MYCBP2: variants seen among roughly 807,000 people sequenced by gnomAD.
MYCBP2 encodes the protein MYC binding protein 2, also known as E3 ubiquitin-protein ligase MYCBP2.
Under a neutral mutation model 525.3 loss-of-function variants are expected in MYCBP2, and 120 were observed. The observed-to-expected ratio is 0.23, with a 90% CI of 0.20 to 0.27. The LOEUF (loss-of-function observed/expected upper bound fraction) is 0.27. MYCBP2 is among the 10% of genes least tolerant of loss of function. MYCBP2 has a pLI of 1.00. For synonymous variants in MYCBP2, 1,894 were observed against 1,955.8 expected (o/e 0.97, Z 0.83); for missense variants, 4,149 against 5,657.1 (o/e 0.73, Z 8.55).
intron 15 of MYCBP2, among the ~76,000 whole-genome samples, chr13:77,248,081 T>C (rs947016756): frequency 6.6e-6 from 1 of 151,098 alleles, no homozygotes; most frequent in Non-Finnish European, 1.5e-5. Context: ...ACATGGCACA[T>C]GTATACATAT....
intron 27 of MYCBP2, 72 bp downstream of exon 27, chr13:77,194,081 T>A (rs2061531612): frequency 1.1e-6 from 1 of 940,096 alleles, no homozygotes; most frequent in South Asian, 1.8e-5. Context: ...TTAAAGTATG[T>A]TTATTCATTT....
intron 43 of MYCBP2, among the ~76,000 whole-genome samples, chr13:77,162,904 C>T (rs1038418746): frequency 6.6e-6 from 1 of 152,148 alleles, no homozygotes; most frequent in African/African-American, 2.4e-5. Context: ...ATCCACCCAC[C>T]TTGGCCTCAC....
rs2045178630 is a variant in MYCBP2, at chr13:77,090,323, A to G, written c.10368-60T>C. 3.6e-6 allele frequency: 5 copies of G among 1,397,310 alleles called. No homozygotes were observed. In the Admixed American group the frequency reaches 1.2e-4, roughly 33 times the overall value. 86.6% of individuals were successfully genotyped at this position (1,397,310 alleles called of 1,614,324 possible). On this transcript the variant is annotated intron_variant, in intron 59 of 82. Coordinates refer to ENST00000544440, the MANE Select transcript of MYCBP2 (RefSeq NM_015057.5). ...GAAGAGCTGAATGAAATGTAACTAT[A>G]CTTATAATGATGCAAAATATGTGAC...
chr13:77,081,206 T>C lies in MYCBP2; in HGVS notation c.11418+221A>G, dbSNP rs1292390181. On this transcript the variant is annotated intron_variant, in intron 65 of 82. Transcript: ENST00000544440. The surrounding 1 kb of genome is among the most constrained non-coding windows in gnomAD (Gnocchi z 4.6). Reference sequence around the variant, plus strand: ...TCATTTTGCTTAGCTGTAGCCATGGTATATTTGTAATCAGACCTCTTTTCA... The same window carrying C: ...TCATTTTGCTTAGCTGTAGCCATGGCATATTTGTAATCAGACCTCTTTTCA... 3 of 512,744 alleles carry C rather than the reference T, an allele frequency of 5.9e-6. No individual in the cohort carries two copies. Among genetic ancestry groups the C allele is most frequent in the African/African-American group, 3.9e-5 (2 of 51,880 alleles). 31.8% of individuals were successfully genotyped at this position (512,744 alleles called of 1,614,324 possible). A position where few individuals can be genotyped will look rare whatever the true frequency, so the allele number is the denominator to read the frequency against.
chr13:77,323,304 G>T (rs1408133611), intron 1 of MYCBP2, among the ~76,000 whole-genome samples: 2 of 152,198 alleles, frequency 1.3e-5, no homozygotes, highest in Non-Finnish European at 2.9e-5. Context: ...CATTAGGTTT[G>T]AAACTCTCAA....
intron 2 of MYCBP2, among the ~76,000 whole-genome samples, chr13:77,295,108 A>G (rs1045232036): frequency 2.0e-5 from 3 of 152,084 alleles, no homozygotes; most frequent in Non-Finnish European, 2.9e-5. Flanking sequence ...CAGAAGCAAG[A>G]GCTGAAAATA....
In MYCBP2 at chr13:77,217,923, G is replaced by A. The variant is rs1193373567; in HGVS notation, c.2974C>T (p.Pro992Ser). 2.5e-6 allele frequency: 4 copies of A among 1,610,296 alleles called. No homozygotes were observed. In the South Asian group the frequency reaches 4.4e-5, roughly 18 times the overall value. Reference protein sequence around the residue: ...CPTLVQALPGPSTQVTAGSNH... With the variant: ...CPTLVQALPGSSTQVTAGSNH... ...CTGCCTGCAGTGACTTGTGTGCTAG[G>A]GCCTGGCAATGCTTGAACAAGAGTG... Residue 992 changes from proline to serine, a missense_variant, in exon 21 of 83, where the codon CCT becomes TCT. By Grantham distance (74) the Pro-to-Ser change is moderately conservative. Transcript: ENST00000544440.
chr13:77,326,692 G>C lies in MYCBP2; in HGVS notation c.84C>G (p.Phe28Leu). 1.4e-6 allele frequency: 2 copies of C among 1,445,548 alleles called. No homozygotes were observed. The highest frequency in any genetic ancestry group is 1.8e-6 in the Non-Finnish European group (2 of 1,107,648). 89.5% of individuals were successfully genotyped at this position (1,445,548 alleles called of 1,614,324 possible). The change falls in exon 1 of 83, where the codon TTC (phenylalanine) becomes TTG (leucine). Residue 28 changes from phenylalanine (F) to leucine (L), a missense_variant. By Grantham distance (22) the Phe-to-Leu change is conservative. Around this residue, in one of 21 missense-constraint regions of MYCBP2, gnomAD observed 413 missense variants for 451.2 expected, o/e 0.92. Transcript: ENST00000544440. This position sits in a 1 kb window ranked among gnomAD's most constrained non-coding sequence, Gnocchi z 4.2. ...GCGCCCCCGGCGCCGGGGAGGAAGA[G>C]AAGGTGGCGGCTGGGTAGAATCCGT... ...GGDGFYPAAT[F>L]SSSPAPGALF...
chr13:77,068,534 G>A, intron 70 of MYCBP2, 31 bp downstream of exon 70: 2 of 1,594,330 alleles, frequency 1.3e-6, no homozygotes, highest in Non-Finnish European at 1.7e-6. Flanking sequence ...AGTAACAAAA[G>A]CAATGGAAAG....
intron 14 of MYCBP2, among the ~76,000 whole-genome samples, chr13:77,256,150 A>G (rs1052993175): frequency 1.6e-4 from 25 of 152,084 alleles, no homozygotes; most frequent in African/African-American, 5.8e-4. Context: ...TTTTCTTGGT[A>G]AAGTGTCAGA....
rs138220917 is a variant in MYCBP2 at position 77,097,482 on chromosome 13, A to C, written c.9672T>G (p.Phe3224Leu). The C allele has an allele frequency of 4.3e-6, 7 of 1,613,236 alleles. No homozygotes were observed. Among genetic ancestry groups the C allele is most frequent in the African/African-American group, 2.7e-5 (2 of 74,886 alleles). ...CTACTGCCAGCTGGGCCATCTCTCC[A>C]AACAAATTACCCCTGGGCCTAACTT... Reference protein sequence around the residue: ...KAEVRPRGNLFGEMAQLAVGG... With the variant: ...KAEVRPRGNLLGEMAQLAVGG... Residue 3224 changes from phenylalanine to leucine, a missense_variant, in exon 56 of 83, where the codon TTT becomes TTG. Around this residue, in one of 21 missense-constraint regions of MYCBP2, gnomAD observed 653 missense variants for 744.7 expected, o/e 0.88. Coordinates refer to ENST00000544440, the MANE Select transcript of MYCBP2 (RefSeq NM_015057.5).
chr13:77,231,731 C>T (rs952378637), intron 18 of MYCBP2, among the ~76,000 whole-genome samples: 2 of 152,106 alleles, frequency 1.3e-5, no homozygotes. Context: ...AATATTTAAC[C>T]TCAGTTAAAC....
chr13:77,323,680 G>A (rs55988260), intron 1 of MYCBP2, among the ~76,000 whole-genome samples: 4 of 152,322 alleles, frequency 2.6e-5, no homozygotes, highest in Non-Finnish European at 5.9e-5. Context: ...CTTGCTCACC[G>A]CTACATCTTC....
Position 77,076,832 on chromosome 13 carries a change from G to A in MYCBP2, c.11742C>T (p.Ile3914=), listed in dbSNP as rs764298656. Residue 3914 remains isoleucine (I), a synonymous_variant, in exon 68 of 83, where the codon ATC becomes ATT. Transcript: ENST00000544440. ...CTGGTGTAGGTTCAGCATCTCCAGA[G>A]ATGAGCTTTCCAAATACCTGATGAA... ...LITSQVFGKL[I]SGDAEPTPEQ... is the part of the protein sequence containing the mutation. The A allele has an allele frequency of 1.2e-6, 2 of 1,612,390 alleles. No individual in the cohort carries two copies. Among genetic ancestry groups the A allele is most frequent in the Admixed American group, 3.3e-5 (2 of 59,950 alleles).
chr13:77,139,987 G>A (rs1480077398), intron 51 of MYCBP2, 60 bp downstream of exon 51: 1 of 1,105,474 alleles, frequency 9.0e-7, no homozygotes, highest in Non-Finnish European at 1.3e-6. Flanking sequence ...TTATTATTAT[G>A]CAAACAATGC....
At chr13:77,046,589 C>T (rs1593976480) in intron 82 of MYCBP2, among the ~76,000 whole-genome samples, 8 of 152,152 alleles carry the variant, frequency 5.3e-5, no homozygotes. Context: ...TAAATGTTGG[C>T]TATTACTACT....
At position 77,278,850 on chromosome 13, in the gene MYCBP2, G is replaced by A. The variant is rs1167651151; in HGVS notation, c.656C>T (p.Pro219Leu). ...TTGGAGACTCCTGAGACACAGGGATGGATGAGAAAATCGTGTCTCTTTGAT... is the reference window on the plus strand; with the variant it reads ...TTGGAGACTCCTGAGACACAGGGATAGATGAGAAAATCGTGTCTCTTTGAT... Reference protein sequence around the residue: ...ELIKETRFSHPSLCLRSLQAL... With the variant: ...ELIKETRFSHLSLCLRSLQAL... Residue 219 changes from proline (P) to leucine (L), a missense_variant, in exon 4 of 83, where the codon CCA becomes CTA. Coordinates refer to ENST00000544440, the MANE Select transcript of MYCBP2 (RefSeq NM_015057.5). 1.3e-6 allele frequency: 2 copies of A among 1,597,436 alleles called. No homozygotes were observed.
In MYCBP2 at chr13:77,295,043, G is replaced by A. The variant is rs150185560; in HGVS notation, c.378+1556C>T. 8.7e-3 allele frequency among the ~76,000 whole-genome samples: 1,326 copies of A among 152,322 alleles called. 22 individuals are homozygous for A. The highest frequency in any genetic ancestry group is 0.03 in the African/African-American group (1,236 of 41,570). ...CTTGCTCAGAGCAAATGGAGTTGGAGCTACTGGCAGCCTCAGCCTCAGTCA... is the reference window on the plus strand; with the variant it reads ...CTTGCTCAGAGCAAATGGAGTTGGAACTACTGGCAGCCTCAGCCTCAGTCA... On this transcript the variant is annotated intron_variant, in intron 2 of 82. Transcript: ENST00000544440.
chr13:77,073,033 A>C (rs1422814885), intron 68 of MYCBP2, among the ~76,000 whole-genome samples: 9 of 152,178 alleles, frequency 5.9e-5, no homozygotes. Context: ...CATCTGTTTA[A>C]AGCATAGAAT....
Sources: gnomAD v4.1 joint callset for allele counts (sites outside exome capture counted in the v4.1 genomes callset) on GRCh38, gnomAD v4.1.1 for gene constraint, gnomAD v4.1.1 regional missense constraint, Gnocchi (gnomAD v3.1) non-coding constraint, MANE v1.5 for transcripts, NCBI Gene and HGNC (gene_info 2026-07-23, HGNC 2026-07-21) for gene names.